The following C5orf47 variants were observed in gnomAD, a reference collection of about 807,000 sequenced individuals.
The protein encoded by C5orf47 is chromosome 5 open reading frame 47.
In C5orf47, 20 loss-of-function variants were observed where a neutral mutation model predicts 20.6. That is an observed-to-expected ratio of 0.97 (90% confidence interval 0.68 to 1.41). C5orf47 has a LOEUF of 1.41. C5orf47 is among the 40% of genes most tolerant of loss of function. The probability of loss-of-function intolerance (pLI) is 0.00; values close to 1 mark genes in which losing one functional copy is unlikely to be tolerated. For synonymous variants in C5orf47, 106 were observed against 97.3 expected (o/e 1.09, Z -0.53); for missense variants, 262 against 238.4 (o/e 1.10, Z -0.65).
chr5:174,003,585 G>A (rs533646381), intron 4 of C5orf47, among the ~76,000 whole-genome samples: 8 of 152,234 alleles, frequency 5.3e-5, no homozygotes, highest in African/African-American at 1.7e-4. Context: ...AGTGCATAAA[G>A]GTCATATGTA....
intron 3 of C5orf47, 102 bp from the exon 4 acceptor site, chr5:174,001,094 A>T (rs1334856911): frequency 4.0e-6 from 3 of 743,456 alleles, no homozygotes; most frequent in African/African-American, 3.6e-5. Flanking sequence ...AATTATGTTT[A>T]AAAATGTATT....
At position 173,989,529 on chromosome 5, in the gene C5orf47, C is replaced by A; in HGVS notation, c.266C>A (p.Ala89Asp). The change falls in exon 1 of 5, where the codon GCC (alanine) becomes GAC (aspartate). Residue 89 changes from alanine to aspartate, a missense_variant. Coordinates refer to ENST00000340147, the MANE Select transcript of C5orf47 (RefSeq NM_001144954.2). The part of the protein sequence containing the change: ...TTPGVEAAAS[A>D]SSQLRASRVQ... Reference sequence around the variant, plus strand: ...CCTGGTGTGGAGGCTGCGGCCTCTGCCTCCTCCCAGCTGCGGGCATCGAGA... The same window carrying A: ...CCTGGTGTGGAGGCTGCGGCCTCTGACTCCTCCCAGCTGCGGGCATCGAGA... 1 of 1,529,146 alleles carries A rather than the reference C, an allele frequency of 6.5e-7. No homozygotes were observed. The highest frequency in any genetic ancestry group is 2.0e-5 in the Admixed American group (1 of 48,822). 94.7% of individuals were successfully genotyped at this position (1,529,146 alleles called of 1,614,324 possible). A position where few individuals can be genotyped will look rare whatever the true frequency, so the allele number is the denominator to read the frequency against.
chr5:173,996,893 A>T (rs974881159), intron 1 of C5orf47, among the ~76,000 whole-genome samples: 6 of 152,176 alleles, frequency 3.9e-5, no homozygotes, highest in African/African-American at 1.4e-4. Flanking sequence ...CCCAAATGTA[A>T]TCAGAATATT....
chr5:174,002,774 T>A (rs981011720), intron 4 of C5orf47, among the ~76,000 whole-genome samples: 8 of 152,194 alleles, frequency 5.3e-5, no homozygotes, highest in South Asian at 2.1e-4. Context: ...TAGGAATTTT[T>A]AAAAAATTTT....
In C5orf47 at chr5:173,989,504, C is replaced by T. The variant is rs1168863129; in HGVS notation, c.241C>T (p.Pro81Ser). 9 of 1,544,104 alleles carry T rather than the reference C, an allele frequency of 5.8e-6. No homozygotes were observed. Among genetic ancestry groups the T allele is most frequent in the Non-Finnish European group, 7.9e-6 (9 of 1,144,258 alleles). Residue 81 changes from proline to serine, a missense_variant, in exon 1 of 5, where the codon CCT (proline) becomes TCT (serine). Coordinates refer to ENST00000340147, the MANE Select transcript of C5orf47 (RefSeq NM_001144954.2). Reference protein sequence around the residue: ...LGSQLRVPTTPGVEAAASASS... With the variant: ...LGSQLRVPTTSGVEAAASASS... ...TTCCCAGCTCAGGGTCCCCACGACC[C>T]CTGGTGTGGAGGCTGCGGCCTCTGC...
At position 173,989,685 on chromosome 5, in the gene C5orf47, TG is replaced by T. The variant is rs1758949298; in HGVS notation, c.325+102del. On this transcript the variant is annotated intron_variant, in intron 1 of 4. Coordinates refer to ENST00000340147, the MANE Select transcript of C5orf47 (RefSeq NM_001144954.2). ...CGCCATCTTGCGGCACGCAGGAGGC[TG>T]GGGGCAGCTTTCCTGTCAGGCCGTG... 7 of 1,098,916 alleles carry T rather than the reference TG, an allele frequency of 6.4e-6. No homozygotes were observed. The African/African-American group carries it at 8.4e-5, about 13-fold the overall frequency. 68.1% of individuals were successfully genotyped at this position (1,098,916 alleles called of 1,614,324 possible).
chr5:173,989,558 C>A lies in C5orf47; in HGVS notation c.295C>A (p.Gln99Lys), dbSNP rs948165404. ...CTCCCAGCTGCGGGCATCGAGAGTT[C>A]AGAGCGGCACCAGACAGTCGGCGCG... ...ASSQLRASRV[Q>K]SGTRQSARAG... Residue 99 changes from glutamine (Q) to lysine (K), a missense_variant, in exon 1 of 5, where the codon CAG becomes AAG. Coordinates refer to ENST00000340147, the MANE Select transcript of C5orf47 (RefSeq NM_001144954.2). The A allele has an allele frequency of 3.3e-6, 5 of 1,498,854 alleles. No homozygotes were observed. Among genetic ancestry groups the A allele is most frequent in the African/African-American group, 1.4e-5 (1 of 70,676 alleles). 92.8% of individuals were successfully genotyped at this position (1,498,854 alleles called of 1,614,324 possible).
chr5:173,995,219 A>G (rs1464159440), intron 1 of C5orf47, among the ~76,000 whole-genome samples: 1 of 152,258 alleles, frequency 6.6e-6, no homozygotes, highest in Admixed American at 6.5e-5. Context: ...TCGTGTGAGC[A>G]CTAGGTCAGA....
chr5:174,000,379 A>G lies in C5orf47; in HGVS notation c.511+580A>G, dbSNP rs117353298. On this transcript the variant is annotated intron_variant, in intron 3 of 4. Coordinates refer to ENST00000340147, the MANE Select transcript of C5orf47 (RefSeq NM_001144954.2). ...AGATGTAGTCTGGTGTGTTTATCAA[A>G]ATAATTTGTAGTTCTGGATTTTAAA... Among the ~76,000 whole-genome samples the G allele has an allele frequency of 1.2e-4, 19 of 152,252 alleles. No individual in the cohort carries two copies. In the East Asian group the frequency reaches 3.5e-3, roughly 28 times the overall value.
intron 4 of C5orf47, among the ~76,000 whole-genome samples, chr5:174,002,970 T>C (rs1376178737): frequency 1.3e-5 from 2 of 152,202 alleles, no homozygotes; most frequent in Non-Finnish European, 2.9e-5. Flanking sequence ...ATTTGATTCA[T>C]GTTATGAATT....
At chr5:173,998,314 T>C in intron 2 of C5orf47, 76 bp downstream of exon 2, 2 of 743,816 alleles carry the variant, frequency 2.7e-6, no homozygotes, top group South Asian at 1.9e-5. Flanking sequence ...TGTAAAGATA[T>C]TCAAGACAGT....
chr5:174,007,559 C>CCT (rs1554098494), downstream of C5orf47, among the ~76,000 whole-genome samples: 7 of 138,916 alleles, frequency 5.0e-5, no homozygotes, highest in Admixed American at 1.4e-4. Flanking sequence ...ACTCTCCTAC[C>CCT]TTTTTTTTTT....
intron 1 of C5orf47, among the ~76,000 whole-genome samples, chr5:173,996,307 A>C (rs1024555207): frequency 6.6e-6 from 1 of 152,208 alleles, no homozygotes; most frequent in Non-Finnish European, 1.5e-5. Flanking sequence ...CATGAAATAC[A>C]CTGGAGCTAG....
At position 173,999,723 on chromosome 5, in the gene C5orf47, CA is replaced by C; in HGVS notation, c.438del (p.Val147SerfsTer16). On this transcript the variant is annotated frameshift_variant, in exon 3 of 5. Transcript: ENST00000340147. LOFTEE classifies it high-confidence loss of function. ...AGGTTTTAGTATGGAATAGAGTATA[CA>C]AAGTCATTTCAAGAATGCTTGAAGA... is the stretch of plus-strand genomic sequence containing the variant. ...KKVLVWNRVY[K>X]VISRMLEENE... is the part of the protein sequence containing the mutation. 1 of 1,511,806 alleles carries C rather than the reference CA, an allele frequency of 6.6e-7. No homozygotes were observed. The highest frequency in any genetic ancestry group is 9.0e-7 in the Non-Finnish European group (1 of 1,114,172). The allele number at this position is 1,511,806 out of a possible 1,614,324, so 93.6% of individuals were successfully genotyped here. A position where few individuals can be genotyped will look rare whatever the true frequency, so the allele number is the denominator to read the frequency against.
intron 1 of C5orf47, among the ~76,000 whole-genome samples, chr5:173,992,304 T>A (rs1191636752): frequency 6.6e-6 from 1 of 151,912 alleles, no homozygotes; most frequent in Non-Finnish European, 1.5e-5. Context: ...GTTTACCACT[T>A]TGGGAGGCTG....
In C5orf47 at chr5:174,005,068, T is replaced by TA. The variant is rs146207050; in HGVS notation, c.*814_*815insA. On this transcript the variant is annotated 3_prime_UTR_variant, in exon 5 of 5. Coordinates refer to ENST00000340147, the MANE Select transcript of C5orf47 (RefSeq NM_001144954.2). ...ATCAACTTTTACCTCCGCCAGTTTT[T>TA]CTGCTTTTTTGCTGGTACGATCTCT... The TA allele has an allele frequency of 1.4e-4, 21 of 152,312 alleles. No homozygotes were observed. The East Asian group carries it at 3.9e-3, about 28-fold the overall frequency. The allele number at this position is 152,312 out of a possible 1,614,324, so 9.4% of individuals were successfully genotyped here.
At chr5:173,995,444 G>A (rs930350258) in intron 1 of C5orf47, among the ~76,000 whole-genome samples, 8 of 152,206 alleles carry the variant, frequency 5.3e-5, no homozygotes, top group African/African-American at 1.7e-4. Context: ...GTTATGAAGA[G>A]CATTGGCTTT....
rs903337390 is a variant in C5orf47, at chr5:173,998,212, T to G, written c.385T>G (p.Ser129Ala). 6.5e-7 allele frequency: 1 copy of G among 1,539,654 alleles called. No homozygotes were observed. Among genetic ancestry groups the G allele is most frequent in the African/African-American group, 1.4e-5 (1 of 72,422 alleles). The change falls in exon 2 of 5, where the codon TCC (serine) becomes GCC (alanine). Residue 129 changes from serine to alanine, a missense_variant. Ser to Ala is a moderately conservative substitution (Grantham distance 99). Coordinates refer to ENST00000340147, the MANE Select transcript of C5orf47 (RefSeq NM_001144954.2). ...TTTTCCCATACCATTGAATGAAGCT[T>G]CCAAAATAATGAAGAAAAAGAAAAA... Reference protein sequence around the residue: ...YDFPIPLNEASKIMKKKKKVL... With the variant: ...YDFPIPLNEAAKIMKKKKKVL...
downstream of C5orf47, among the ~76,000 whole-genome samples, chr5:174,009,340 TTC>T (rs1229711395): frequency 5.9e-5 from 9 of 152,340 alleles, no homozygotes; most frequent in East Asian, 1.5e-3. Context: ...TGTTTTCAGT[TTC>T]TTTCATTTCT....
Sources: allele counts gnomAD v4.1 joint callset (sites outside exome capture counted in the v4.1 genomes callset), GRCh38; gene constraint gnomAD v4.1.1; transcripts MANE v1.5; gene names NCBI Gene and HGNC (gene_info 2026-07-23, HGNC 2026-07-21).